AHRR: variants seen among roughly 807,000 people sequenced by gnomAD.
AHRR encodes the protein aryl hydrocarbon receptor repressor, also known as ahR repressor.
Under a neutral mutation model 44.0 loss-of-function variants are expected in AHRR, and 28 were observed. That is an observed-to-expected ratio of 0.64 (90% CI 0.47 to 0.87). The LOEUF (loss-of-function observed/expected upper bound fraction) is 0.87, where lower values mean the gene tolerates loss of function less well. Among genes scored for constraint, AHRR ranks in the 40% least tolerant of loss-of-function variants. The probability of loss-of-function intolerance (pLI) is 0.00; values close to 1 mark genes in which losing one functional copy is unlikely to be tolerated. For missense variants in AHRR, 990 were observed against 953.9 expected, an observed-to-expected ratio of 1.04 and a Z score of -0.50; for synonymous variants, 434 against 407.0, an observed-to-expected ratio of 1.07 and a Z score of -0.80.
intron 8 of AHRR, among the ~76,000 whole-genome samples, chr5:430,004 C>T (rs567511326): frequency 9.5e-4 from 144 of 152,294 alleles, no homozygotes; most frequent in African/African-American, 2.9e-3. Context: ...TGGACAGCCC[C>T]GGGGATGTTC....
chr5:353,831 C>T lies in AHRR; in HGVS notation c.164C>T (p.Pro55Leu), dbSNP rs759055811. Residue 55 changes from proline (P) to leucine (L), a missense_variant, in exon 3 of 11, where the codon CCT (proline) becomes CTT (leucine). By Grantham distance (98) the Pro-to-Leu change is moderately conservative. Coordinates refer to ENST00000684583, the MANE Select transcript of AHRR (RefSeq NM_001377236.1). ...CTGGCCAGCCTGCTGCCGTTCCCGC[C>T]TGACATCATCTCCAAGCTGGACAAG... is the stretch of plus-strand genomic sequence containing the variant. ...DHLASLLPFPPDIISKLDKLS... is the reference protein window; with the variant it reads ...DHLASLLPFPLDIISKLDKLS... 1.2e-6 allele frequency: 2 copies of T among 1,614,136 alleles called. No homozygotes were observed. Among genetic ancestry groups the T allele is most frequent in the African/African-American group, 2.7e-5 (2 of 75,068 alleles).
At chr5:413,118 T>C (rs1404862818) in intron 4 of AHRR, among the ~76,000 whole-genome samples, 1 of 152,174 alleles carries the variant, frequency 6.6e-6, no homozygotes, top group Non-Finnish European at 1.5e-5. Flanking sequence ...AATTTTATAT[T>C]TATTAGAAAA....
At chr5:397,848 ATGTTAGCCCCTGACCATCCC>A (rs1734808319) in intron 4 of AHRR, among the ~76,000 whole-genome samples, 2 of 68,244 alleles carry the variant, frequency 2.9e-5, no homozygotes, top group Admixed American at 1.6e-4. Flanking sequence ...GCCCCTGACC[ATGTTAGCCCCTGACCATCCC>A]TGTTAGCCCC....
At chr5:354,946 C>A (rs1034966579) in intron 3 of AHRR, among the ~76,000 whole-genome samples, 27 of 152,354 alleles carry the variant, frequency 1.8e-4, no homozygotes, top group African/African-American at 6.0e-4. Context: ...CGTGTCCTGC[C>A]AGTGCCGGCC....
chr5:386,788 C>G (rs1013865825), intron 4 of AHRR, among the ~76,000 whole-genome samples: 1 of 152,048 alleles, frequency 6.6e-6, no homozygotes, highest in Admixed American at 6.5e-5. Context: ...TCACCTGTGC[C>G]CTGAGGCTCT....
chr5:392,948 C>A (rs549945422), intron 4 of AHRR, among the ~76,000 whole-genome samples: 6 of 152,242 alleles, frequency 3.9e-5, no homozygotes, highest in Admixed American at 1.3e-4. Context: ...GATCTCCCCC[C>A]ACACCAAGCG....
rs6892779 is a variant in AHRR at position 353,077 on chromosome 5, G to A, written c.63-653G>A. On this transcript the variant is annotated intron_variant, in intron 2 of 10. Coordinates refer to ENST00000684583, the MANE Select transcript of AHRR (RefSeq NM_001377236.1). ...AGCCCCACAGGTGGCCCCTTTTTGT[G>A]GGTAGAGCAGGCCTGCTCTGGCTTA... Among the ~76,000 whole-genome samples the A allele has an allele frequency of 2.1e-3, 322 of 152,244 alleles. 2 individuals are homozygous for A. Among genetic ancestry groups the A allele is most frequent in the African/African-American group, 7.4e-3 (308 of 41,522 alleles).
chr5:361,373 C>T (rs116310644), intron 3 of AHRR, among the ~76,000 whole-genome samples: 14,995 of 152,248 alleles, frequency 0.098, 1,053 homozygotes, highest in Non-Finnish European at 0.13. Context: ...GCACCACGCC[C>T]GCAGAGACAC....
chr5:426,262 ATGGATGGATGAGTGGATGGATGAG>A (rs1274703136), intron 7 of AHRR, among the ~76,000 whole-genome samples: 1 of 152,062 alleles, frequency 6.6e-6, no homozygotes, highest in African/African-American at 2.4e-5. Flanking sequence ...GGATGGATGG[ATGGATGGATGAGTGGATGGATGAG>A]TGGATGGATG....
At chr5:340,090 G>A (rs1483428266) in intron 1 of AHRR, among the ~76,000 whole-genome samples, 3 of 152,132 alleles carry the variant, frequency 2.0e-5, no homozygotes, top group African/African-American at 7.2e-5. Context: ...TTTTTTCTTT[G>A]ATATTTTTTG....
In AHRR at chr5:411,988, C is replaced by T. The variant is rs765715474; in HGVS notation, c.352-1356C>T. On this transcript the variant is annotated intron_variant, in intron 4 of 10. Coordinates refer to ENST00000684583, the MANE Select transcript of AHRR (RefSeq NM_001377236.1). This position sits in a 1 kb window ranked among gnomAD's most constrained non-coding sequence, Gnocchi z 4.2. ...ACAGATCCTGCGACTCAGAGGCCACCGTCTTTCGCGCATCCTCACCGGTGA... is the reference window on the plus strand; with the variant it reads ...ACAGATCCTGCGACTCAGAGGCCACTGTCTTTCGCGCATCCTCACCGGTGA... Among the ~76,000 whole-genome samples, 2 of 152,266 alleles carry T rather than the reference C, an allele frequency of 1.3e-5. No homozygotes were observed. Among genetic ancestry groups the T allele is most frequent in the African/African-American group, 2.4e-5 (1 of 41,542 alleles).
rs1283366851 is a variant in AHRR at position 435,162 on chromosome 5, C to G, written c.*328C>G. 6.7e-6 allele frequency: 2 copies of G among 300,138 alleles called. No individual in the cohort carries two copies. Among genetic ancestry groups the G allele is most frequent in the Non-Finnish European group, 1.2e-5 (2 of 160,208 alleles). 18.6% of individuals were successfully genotyped at this position (300,138 alleles called of 1,614,324 possible). A position where few individuals can be genotyped will look rare whatever the true frequency, so the allele number is the denominator to read the frequency against. On this transcript the variant is annotated 3_prime_UTR_variant, in exon 11 of 11. Coordinates refer to ENST00000684583, the MANE Select transcript of AHRR (RefSeq NM_001377236.1). ...GAGGCAGCGAGCACCCGTCCCATGG[C>G]TGCCAAGTCCACAGTCGGGGATGAA...
chr5:403,699 TTCTCTCAGAGGCA>T, intron 4 of AHRR: 4 of 818,110 alleles, frequency 4.9e-6, no homozygotes, highest in South Asian at 3.7e-5. Context: ...TTTTTTTACT[TTCTCTCAGAGGCA>T]TATTTTTCCG....
rs768497203 is a variant in AHRR at position 432,825 on chromosome 5, C to T, written c.990C>T (p.Ser330=). 39 of 1,613,694 alleles carry T rather than the reference C, an allele frequency of 2.4e-5. No individual in the cohort carries two copies. Among genetic ancestry groups the T allele is most frequent in the Admixed American group, 2.0e-4 (12 of 59,982 alleles). ...NYSAGRSSRE[S]GVLVLREQTD... is the part of the protein sequence containing the mutation. ...CAACAGGAAGGAGCAGCAGAGAGAGCGGCGTTTTGGTGCTCAGGGAACAGA... is the reference window on the plus strand; with the variant it reads ...CAACAGGAAGGAGCAGCAGAGAGAGTGGCGTTTTGGTGCTCAGGGAACAGA... The change falls in exon 10 of 11, where the codon AGC becomes AGT. Residue 330 remains serine (S), a synonymous_variant. Coordinates refer to ENST00000684583, the MANE Select transcript of AHRR (RefSeq NM_001377236.1).
At position 386,744 on chromosome 5, in the gene AHRR, A is replaced by G. The variant is rs544659028; in HGVS notation, c.351+10028A>G. 9.3e-4 allele frequency among the ~76,000 whole-genome samples: 142 copies of G among 152,328 alleles called. 1 individual carries two copies. The highest frequency in any genetic ancestry group is 3.3e-3 in the African/African-American group (137 of 41,586). The stretch of plus-strand genomic sequence containing the variant: ...TGTGGTAATGTGCTACAGCAGTAAC[A>G]GGGAGCTAACCCAGACGTCATCCCG... On this transcript the variant is annotated intron_variant, in intron 4 of 10. Coordinates refer to ENST00000684583, the MANE Select transcript of AHRR (RefSeq NM_001377236.1).
intron 5 of AHRR, among the ~76,000 whole-genome samples, chr5:421,677 G>A (rs1035627688): frequency 2.0e-5 from 3 of 152,144 alleles, no homozygotes; most frequent in East Asian, 1.9e-4. Context: ...CTGTGACAGC[G>A]CATTCACAGA....
intron 4 of AHRR, among the ~76,000 whole-genome samples, chr5:389,637 C>T (rs1212529576): frequency 6.6e-6 from 1 of 151,974 alleles, no homozygotes; most frequent in Non-Finnish European, 1.5e-5. Context: ...CGGGCCCTTC[C>T]CCCAGACCAG....
At chr5:367,726 C>A (rs1200767353) in intron 3 of AHRR, 17 of 641,630 alleles carry the variant, frequency 2.6e-5, no homozygotes, top group African/African-American at 7.1e-5. Flanking sequence ...CTGACACCAC[C>A]CCCTCTGCTG....
intron 8 of AHRR, among the ~76,000 whole-genome samples, chr5:428,297 A>G (rs970941572): frequency 6.6e-6 from 1 of 152,244 alleles, no homozygotes; most frequent in Non-Finnish European, 1.5e-5. Context: ...TGTCCTCAAG[A>G]AAATGCGGAG....
Sources: gnomAD v4.1 joint callset for allele counts (sites outside exome capture counted in the v4.1 genomes callset) on GRCh38, gnomAD v4.1.1 for gene constraint, Gnocchi (gnomAD v3.1) non-coding constraint, MANE v1.5 for transcripts, NCBI Gene and HGNC (gene_info 2026-07-23, HGNC 2026-07-21) for gene names.